The following CADPS2 variants were observed in gnomAD, a reference collection of about 807,000 sequenced individuals.
CADPS2 encodes the protein calcium dependent secretion activator 2.
In CADPS2, 93 loss-of-function variants were observed where a neutral mutation model predicts 172.5. The ratio of observed to expected loss-of-function variants is 0.54; its 90% confidence interval spans 0.46 to 0.64. The LOEUF (loss-of-function observed/expected upper bound fraction) is 0.64, where lower values mean the gene tolerates loss of function less well. Ranked by LOEUF, CADPS2 falls within the 30% of genes least tolerant of loss-of-function variation. The pLI is 0.00. For missense variants in CADPS2, 1,420 were observed against 1,565.9 expected (o/e 0.91, Z 1.57); for synonymous variants, 546 against 555.2 (o/e 0.98, Z 0.23).
intron 5 of CADPS2, among the ~76,000 whole-genome samples, chr7:122,620,605 A>G (rs2075486490): frequency 6.6e-6 from 1 of 152,216 alleles, no homozygotes; most frequent in Admixed American, 6.5e-5. Flanking sequence ...GAAGTTTTGG[A>G]GAACACAATT....
At chr7:122,640,997 C>T (rs1588057869) in intron 3 of CADPS2, among the ~76,000 whole-genome samples, 1 of 150,606 alleles carries the variant, frequency 6.6e-6, no homozygotes. Context: ...CTATGAGATA[C>T]ATAAAATAAG....
chr7:122,612,469 G>A (rs1333564960), intron 6 of CADPS2, among the ~76,000 whole-genome samples: 1 of 151,700 alleles, frequency 6.6e-6, no homozygotes, highest in East Asian at 1.9e-4. Context: ...TAAAATAATA[G>A]AAATACATGT....
chr7:122,615,350 A>G (rs2074783743), intron 5 of CADPS2, 51 bp from the exon 6 acceptor site: 1 of 1,239,710 alleles, frequency 8.1e-7, no homozygotes, highest in Admixed American at 2.2e-5. Context: ...AACATTTAGC[A>G]ATATACATAA....
At chr7:122,589,518 G>T (rs1240028490) in intron 6 of CADPS2, among the ~76,000 whole-genome samples, 1 of 151,670 alleles carries the variant, frequency 6.6e-6, no homozygotes, top group Non-Finnish European at 1.5e-5. Flanking sequence ...TTCAACACAG[G>T]GCCCAAGTAT....
At chr7:122,339,994 T>G (rs1334286860) in intron 28 of CADPS2, among the ~76,000 whole-genome samples, 1 of 152,230 alleles carries the variant, frequency 6.6e-6, no homozygotes, top group Non-Finnish European at 1.5e-5. Flanking sequence ...GCACATTCAC[T>G]TATAATATTT....
intron 24 of CADPS2, 39 bp downstream of exon 24, chr7:122,386,987 C>T (rs1185314050): frequency 5.2e-6 from 8 of 1,542,992 alleles, no homozygotes; most frequent in South Asian, 4.8e-5. Flanking sequence ...TGCCAAGGCA[C>T]CCTGTGCTGC....
intron 20 of CADPS2, among the ~76,000 whole-genome samples, chr7:122,396,866 C>T (rs1388565266): frequency 3.3e-5 from 5 of 152,170 alleles, no homozygotes; most frequent in African/African-American, 1.2e-4. Context: ...GGAACTATGT[C>T]TGTATTCTAA....
At chr7:122,824,226 C>T (rs1350629230) in intron 1 of CADPS2, among the ~76,000 whole-genome samples, 1 of 152,138 alleles carries the variant, frequency 6.6e-6, no homozygotes, top group Non-Finnish European at 1.5e-5. Flanking sequence ...TTTATGATTG[C>T]CCATTTCATT....
intron 15 of CADPS2, among the ~76,000 whole-genome samples, chr7:122,447,995 T>C (rs1473589997): frequency 6.6e-6 from 1 of 152,092 alleles, no homozygotes; most frequent in Non-Finnish European, 1.5e-5. Flanking sequence ...ATAGAAACTA[T>C]TGCTGGTATA....
intron 1 of CADPS2, among the ~76,000 whole-genome samples, chr7:122,838,637 GACAA>G (rs758168677): frequency 2.0e-5 from 3 of 151,826 alleles, no homozygotes; most frequent in Non-Finnish European, 2.9e-5. Flanking sequence ...ACCAATAACA[GACAA>G]ACAGAGAGTC....
intron 1 of CADPS2, among the ~76,000 whole-genome samples, chr7:122,772,307 G>T (rs2093729090): frequency 1.3e-5 from 2 of 152,156 alleles, no homozygotes; most frequent in Non-Finnish European, 2.9e-5. Context: ...GTAAAAATGT[G>T]ATTAACATAT....
intron 1 of CADPS2, among the ~76,000 whole-genome samples, chr7:122,792,910 A>C (rs1795591082): frequency 6.6e-6 from 1 of 152,198 alleles, no homozygotes; most frequent in Non-Finnish European, 1.5e-5. Flanking sequence ...TGCAACTCTA[A>C]TTTAATTCAC....
At chr7:122,797,992 T>C (rs577116973) in intron 1 of CADPS2, among the ~76,000 whole-genome samples, 37 of 152,178 alleles carry the variant, frequency 2.4e-4, no homozygotes, top group African/African-American at 8.4e-4. Flanking sequence ...TCAAGTTTTT[T>C]TGTGCAGGTT....
At chr7:122,531,811 T>C (rs2061778935) in intron 8 of CADPS2, among the ~76,000 whole-genome samples, 1 of 152,016 alleles carries the variant, frequency 6.6e-6, no homozygotes, top group African/African-American at 2.4e-5. Flanking sequence ...GGTAGGCAGA[T>C]CACAAGGTCA....
chr7:122,638,716 G>A (rs570948614), intron 3 of CADPS2, among the ~76,000 whole-genome samples: 2 of 152,290 alleles, frequency 1.3e-5, no homozygotes, highest in South Asian at 4.1e-4. Flanking sequence ...TGGGAAGTAT[G>A]GATCCCCTGA....
chr7:122,482,626 T>A (rs1248839447), intron 11 of CADPS2, among the ~76,000 whole-genome samples: 2 of 152,160 alleles, frequency 1.3e-5, no homozygotes, highest in Non-Finnish European at 2.9e-5. Flanking sequence ...GCAACGTGAT[T>A]CCTGAGGGAC....
At position 122,361,065 on chromosome 7, in the gene CADPS2, A is replaced by G. The variant is rs183764735; in HGVS notation, c.3388-52T>C. On this transcript the variant is annotated intron_variant, in intron 25 of 29. Coordinates refer to ENST00000449022, the MANE Select transcript of CADPS2 (RefSeq NM_017954.11). Reference sequence around the variant, plus strand: ...AGAATGTTACTATGCATACAAACTAATAGCAGGACAAACAATTCCTGAATC... The same window carrying G: ...AGAATGTTACTATGCATACAAACTAGTAGCAGGACAAACAATTCCTGAATC... 17 of 1,402,948 alleles carry G rather than the reference A, an allele frequency of 1.2e-5. No homozygotes were observed. The Admixed American group carries it at 1.5e-4, about 13-fold the overall frequency. 86.9% of individuals were successfully genotyped at this position (1,402,948 alleles called of 1,614,324 possible).
chr7:122,727,314 A>G (rs2091210032), intron 2 of CADPS2, among the ~76,000 whole-genome samples: 1 of 151,820 alleles, frequency 6.6e-6, no homozygotes, highest in African/African-American at 2.4e-5. Flanking sequence ...GGGCCTGGGA[A>G]TTAGAAAATG....
chr7:122,522,197 C>G (rs2060859265), intron 8 of CADPS2, among the ~76,000 whole-genome samples: 1 of 152,090 alleles, frequency 6.6e-6, no homozygotes, highest in African/African-American at 2.4e-5. Context: ...TCACTGAAAA[C>G]TCCACTTCCC....
Sources: allele counts gnomAD v4.1 joint callset (sites outside exome capture counted in the v4.1 genomes callset), GRCh38; gene constraint gnomAD v4.1.1; transcripts MANE v1.5; gene names NCBI Gene and HGNC (gene_info 2026-07-23, HGNC 2026-07-21).